Variants in GRIK4 observed in about 807,000 individuals in gnomAD.
GRIK4 encodes glutamate ionotropic receptor kainate type subunit 4.
Under a neutral mutation model 104.9 loss-of-function variants are expected in GRIK4, and 40 were observed. The ratio of observed to expected loss-of-function variants is 0.38; its 90% confidence interval spans 0.30 to 0.50. The LOEUF (loss-of-function observed/expected upper bound fraction) is 0.50, where lower values mean the gene tolerates loss of function less well. Among genes scored for constraint, GRIK4 ranks in the 20% least tolerant of loss-of-function variants. GRIK4 has a pLI of 0.93. For missense variants in GRIK4, 1,047 were observed against 1,308.1 expected (o/e 0.80, Z 3.08); for synonymous variants, 485 against 524.9 (o/e 0.92, Z 1.04).
intron 13 of GRIK4, among the ~76,000 whole-genome samples, chr11:120,935,683 A>G (rs1298648443): frequency 6.6e-6 from 1 of 152,252 alleles, no homozygotes; most frequent in African/African-American, 2.4e-5. Context: ...GACAGTTATC[A>G]TGTGTAAGCT....
At position 120,801,384 on chromosome 11, in the gene GRIK4, A is replaced by C. The variant is rs540318747; in HGVS notation, c.83-1309A>C. 5.9e-4 allele frequency among the ~76,000 whole-genome samples: 90 copies of C among 152,090 alleles called. 1 individual carries two copies. The highest frequency in any genetic ancestry group is 2.0e-3 in the African/African-American group (84 of 41,498). On this transcript the variant is annotated intron_variant, in intron 3 of 20. Transcript: ENST00000527524. ...GGGATTACAGACGTCATGCCACCAC[A>C]CCTGGCTAATTTTTGTGTTTTTATT... is the stretch of plus-strand genomic sequence containing the variant.
At chr11:120,919,873 T>C (rs925141521) in intron 13 of GRIK4, among the ~76,000 whole-genome samples, 5 of 151,862 alleles carry the variant, frequency 3.3e-5, no homozygotes, top group African/African-American at 1.2e-4. Context: ...GGATGACGGA[T>C]GGGGAAGTCA....
intron 13 of GRIK4, among the ~76,000 whole-genome samples, chr11:120,927,618 A>G (rs1943382051): frequency 6.6e-6 from 1 of 151,708 alleles, no homozygotes; most frequent in South Asian, 2.1e-4. Context: ...AAAAATTAAC[A>G]TCTATATATT....
Position 120,795,110 on chromosome 11 carries a change from C to T in GRIK4, c.83-7583C>T, listed in dbSNP as rs145370305. 3.0e-3 allele frequency among the ~76,000 whole-genome samples: 463 copies of T among 152,268 alleles called. 9 individuals are homozygous for T. In the East Asian group the frequency reaches 0.037, roughly 12 times the overall value. ...CAGGGCTCTATCCGGCTGAGCCAAA[C>T]GGCCACAGACAGTGTTATAGATACT... On this transcript the variant is annotated intron_variant, in intron 3 of 20. Transcript: ENST00000527524.
intron 1 of GRIK4, among the ~76,000 whole-genome samples, chr11:120,561,685 G>A (rs1464350642): frequency 2.0e-5 from 3 of 152,214 alleles, no homozygotes; most frequent in Non-Finnish European, 2.9e-5. Flanking sequence ...TGTGGGTAAG[G>A]CCTCTTTACT....
chr11:120,937,084 C>G (rs1189925810), intron 13 of GRIK4, among the ~76,000 whole-genome samples: 1 of 152,212 alleles, frequency 6.6e-6, no homozygotes, highest in African/African-American at 2.4e-5. Context: ...GTTGCCCAGG[C>G]TGGAGTGCGG....
chr11:120,725,989 T>C (rs142736062), intron 3 of GRIK4, among the ~76,000 whole-genome samples: 1 of 152,186 alleles, frequency 6.6e-6, no homozygotes, highest in East Asian at 1.9e-4. Flanking sequence ...TAAGGCAAAA[T>C]AGGTAGCACT....
At chr11:120,826,302 A>G (rs942669819) in intron 6 of GRIK4, among the ~76,000 whole-genome samples, 2 of 152,172 alleles carry the variant, frequency 1.3e-5, no homozygotes, top group African/African-American at 4.8e-5. Flanking sequence ...GTATGGGACG[A>G]CCGAGACCAT....
At chr11:120,650,478 T>G (rs534247460) in intron 1 of GRIK4, among the ~76,000 whole-genome samples, 1 of 152,372 alleles carries the variant, frequency 6.6e-6, no homozygotes, top group South Asian at 2.1e-4. Context: ...CATCCTGGTC[T>G]CTTCCCTGCT....
At chr11:120,984,801 A>AAC in intron 20 of GRIK4, among the ~76,000 whole-genome samples, 1 of 150,124 alleles carries the variant, frequency 6.7e-6, no homozygotes, top group Admixed American at 6.7e-5. Flanking sequence ...ACAAACAAAA[A>AAC]TGCAGGCCCA....
intron 7 of GRIK4, among the ~76,000 whole-genome samples, chr11:120,832,514 G>A (rs764358036): frequency 1.3e-5 from 2 of 152,116 alleles, no homozygotes; most frequent in Non-Finnish European, 2.9e-5. Context: ...ATCTCCCAGC[G>A]TAGAGCTCTC....
chr11:120,729,148 T>C (rs1339330170), intron 3 of GRIK4, among the ~76,000 whole-genome samples: 3 of 152,252 alleles, frequency 2.0e-5, no homozygotes, highest in Non-Finnish European at 4.4e-5. Flanking sequence ...ACATTTTCTT[T>C]ATCCATTCAT....
At chr11:120,580,192 A>G (rs1377399903) in intron 1 of GRIK4, among the ~76,000 whole-genome samples, 1 of 144,188 alleles carries the variant, frequency 6.9e-6, no homozygotes, top group Non-Finnish European at 1.5e-5. Flanking sequence ...ATTTGAGTAC[A>G]AGGGTTCTTT....
intron 6 of GRIK4, among the ~76,000 whole-genome samples, chr11:120,827,380 C>T (rs780985486): frequency 3.3e-5 from 5 of 152,306 alleles, no homozygotes; most frequent in African/African-American, 7.2e-5. Flanking sequence ...CGATCCGTCC[C>T]GCTGCATCCT....
At chr11:120,781,744 G>A (rs1003736549) in intron 3 of GRIK4, among the ~76,000 whole-genome samples, 1 of 152,174 alleles carries the variant, frequency 6.6e-6, no homozygotes, top group African/African-American at 2.4e-5. Flanking sequence ...CAGTGCGTGA[G>A]GGTGGTCTCT....
At chr11:120,835,304 G>T (rs781260337) in intron 7 of GRIK4, among the ~76,000 whole-genome samples, 2 of 152,222 alleles carry the variant, frequency 1.3e-5, no homozygotes, top group Non-Finnish European at 2.9e-5. Context: ...AAGGCAGGCA[G>T]ATCACTTGAG....
At chr11:120,531,659 T>C (rs1481189640) in intron 1 of GRIK4, among the ~76,000 whole-genome samples, 2 of 152,038 alleles carry the variant, frequency 1.3e-5, no homozygotes, top group Non-Finnish European at 2.9e-5. Context: ...CACTGGAACC[T>C]CTGCCTCCCA....
intron 1 of GRIK4, among the ~76,000 whole-genome samples, chr11:120,550,779 G>A (rs1373409078): frequency 6.6e-6 from 1 of 151,928 alleles, no homozygotes; most frequent in African/African-American, 2.4e-5. Flanking sequence ...CTGGTGACCT[G>A]GATAAGAAGC....
chr11:120,702,370 A>G (rs1187483979), intron 3 of GRIK4, among the ~76,000 whole-genome samples: 2 of 152,168 alleles, frequency 1.3e-5, no homozygotes, highest in African/African-American at 4.8e-5. Flanking sequence ...TGGTATGCCA[A>G]ATGTGAGATG....
Sources: allele counts gnomAD v4.1 joint callset (sites outside exome capture counted in the v4.1 genomes callset), GRCh38; gene constraint gnomAD v4.1.1; transcripts MANE v1.5; gene names NCBI Gene and HGNC (gene_info 2026-07-23, HGNC 2026-07-21).